TMEM45B: variants seen among roughly 807,000 people sequenced by gnomAD.
The protein encoded by TMEM45B is transmembrane protein 45B.
In TMEM45B, 29 loss-of-function variants were observed where a neutral mutation model predicts 27.3. The ratio of observed to expected loss-of-function variants is 1.06; its 90% CI spans 0.79 to 1.45. TMEM45B has a LOEUF of 1.45. Among genes scored for constraint, TMEM45B ranks in the 40% most tolerant of loss-of-function variants. The probability of loss-of-function intolerance (pLI) is 0.00; values close to 1 mark genes in which losing one functional copy is unlikely to be tolerated. For missense variants in TMEM45B, 348 were observed against 343.9 expected (o/e 1.01, Z -0.09); for synonymous variants, 143 against 134.7 (o/e 1.06, Z -0.43).
chr11:129,854,745 T>C lies in TMEM45B; in HGVS notation c.314T>C (p.Leu105Pro). The change falls in exon 3 of 6, where the codon CTC becomes CCC. Residue 105 changes from leucine (L) to proline (P), a missense_variant. Coordinates refer to ENST00000281441, the MANE Select transcript of TMEM45B (RefSeq NM_138788.5). The part of the protein sequence containing the change: ...FFAVSGIVDM[L>P]TYLVSHVPLG... ...GCAGTCTCAGGAATTGTTGACATGCTCACCTATCTGGTCAGCCACGTTCCC... is the reference window on the plus strand; with the variant it reads ...GCAGTCTCAGGAATTGTTGACATGCCCACCTATCTGGTCAGCCACGTTCCC... 6.2e-7 allele frequency: 1 copy of C among 1,614,240 alleles called. No individual in the cohort carries two copies. The highest frequency in any genetic ancestry group is 8.5e-7 in the Non-Finnish European group (1 of 1,180,036).
At position 129,834,395 on chromosome 11, in the gene TMEM45B, C is replaced by T. The variant is rs1261154067; in HGVS notation, c.-8-18080C>T. ...GCAGTGAGCTGAGATCACGCCACTG[C>T]ACTCCAGCCTCGGCAATAGAGCGAG... On this transcript the variant is annotated intron_variant, in intron 1 of 5. Coordinates refer to ENST00000281441, the MANE Select transcript of TMEM45B (RefSeq NM_138788.5). 4.0e-5 allele frequency among the ~76,000 whole-genome samples: 6 copies of T among 151,760 alleles called. No individual in the cohort carries two copies. The East Asian group carries it at 5.8e-4, about 15-fold the overall frequency.
Position 129,815,858 on chromosome 11 carries a change from C to T in TMEM45B, c.-49C>T. The stretch of plus-strand genomic sequence containing the variant: ...TGCTTCTGGGCGGACGCACTTGGCG[C>T]GCGGCGCGGGCTGCAGACGGCTGCG... On this transcript the variant is annotated 5_prime_UTR_variant, in exon 1 of 6. Coordinates refer to ENST00000281441, the MANE Select transcript of TMEM45B (RefSeq NM_138788.5). 1 of 1,305,896 alleles carries T rather than the reference C, an allele frequency of 7.7e-7. No homozygotes were observed. The allele number at this position is 1,305,896 out of a possible 1,614,324, so 80.9% of individuals were successfully genotyped here.
At chr11:129,817,115 A>G (rs894132960) in intron 1 of TMEM45B, among the ~76,000 whole-genome samples, 3 of 151,634 alleles carry the variant, frequency 2.0e-5, no homozygotes, top group Non-Finnish European at 4.4e-5. Flanking sequence ...CTCCTCCTGC[A>G]CCTTTTTGTC....
intron 1 of TMEM45B, among the ~76,000 whole-genome samples, chr11:129,851,372 C>T (rs1057065031): frequency 2.7e-5 from 4 of 150,880 alleles, no homozygotes; most frequent in Admixed American, 6.6e-5. Flanking sequence ...GGTGAAACCC[C>T]GTCTCTACTA....
At chr11:129,849,863 T>C (rs1947819390) in intron 1 of TMEM45B, among the ~76,000 whole-genome samples, 1 of 152,226 alleles carries the variant, frequency 6.6e-6, no homozygotes, top group Non-Finnish European at 1.5e-5. Context: ...GGGCCTCTAA[T>C]GAGCAAGGCA....
In TMEM45B at chr11:129,837,506, T is replaced by C. The variant is rs1214668969; in HGVS notation, c.-8-14969T>C. Among the ~76,000 whole-genome samples the C allele has an allele frequency of 6.0e-5, 9 of 150,736 alleles. No homozygotes were observed. The East Asian group carries it at 1.6e-3, about 26-fold the overall frequency. On this transcript the variant is annotated intron_variant, in intron 1 of 5. Transcript: ENST00000281441. ...TTCACTATGTTGGCCAGGCTGGTCTTGAACTCTTGACCTCAGGCAATCTGC... is the reference window on the plus strand; with the variant it reads ...TTCACTATGTTGGCCAGGCTGGTCTCGAACTCTTGACCTCAGGCAATCTGC...
chr11:129,831,656 C>A (rs1304842811), intron 1 of TMEM45B, among the ~76,000 whole-genome samples: 1 of 152,198 alleles, frequency 6.6e-6, no homozygotes, highest in African/African-American at 2.4e-5. Flanking sequence ...TCTGTACACA[C>A]AAAAACATGC....
chr11:129,838,742 C>G (rs976008498), intron 1 of TMEM45B, among the ~76,000 whole-genome samples: 23 of 152,190 alleles, frequency 1.5e-4, no homozygotes, highest in African/African-American at 5.5e-4. Context: ...CTCTCCACCT[C>G]TGGGAGCAAC....
At chr11:129,838,501 T>A (rs1463162856) in intron 1 of TMEM45B, among the ~76,000 whole-genome samples, 1 of 152,236 alleles carries the variant, frequency 6.6e-6, no homozygotes, top group Non-Finnish European at 1.5e-5. Context: ...TTCGCTCTTG[T>A]CGCTCTTCTT....
intron 1 of TMEM45B, among the ~76,000 whole-genome samples, chr11:129,851,987 G>A (rs912920506): frequency 2.0e-5 from 3 of 152,216 alleles, no homozygotes; most frequent in Middle Eastern, 3.4e-3. Context: ...TGAATCATCC[G>A]TTCATGTCTT....
intron 1 of TMEM45B, among the ~76,000 whole-genome samples, chr11:129,826,247 T>C (rs1947476238): frequency 6.6e-6 from 1 of 151,984 alleles, no homozygotes; most frequent in Admixed American, 6.6e-5. Flanking sequence ...TCTTCCAAAC[T>C]CCCTATTTAA....
rs559559465 is a variant in TMEM45B at position 129,840,978 on chromosome 11, A to G, written c.-8-11497A>G. The stretch of plus-strand genomic sequence containing the variant: ...AAAAAAAAAAAAAAAAAAGCAACAA[A>G]CAACCAAAAAATATATAAAACTAGA... On this transcript the variant is annotated intron_variant, in intron 1 of 5. Coordinates refer to ENST00000281441, the MANE Select transcript of TMEM45B (RefSeq NM_138788.5). 5.7e-3 allele frequency among the ~76,000 whole-genome samples: 854 copies of G among 150,466 alleles called. 7 individuals are homozygous for G. Among genetic ancestry groups the G allele is most frequent in the African/African-American group, 0.02 (820 of 41,002 alleles).
At chr11:129,853,876 G>T (rs1170563094) in intron 2 of TMEM45B, among the ~76,000 whole-genome samples, 1 of 152,236 alleles carries the variant, frequency 6.6e-6, no homozygotes, top group Admixed American at 6.5e-5. Flanking sequence ...GCTTCCCCAA[G>T]AACACTTTGG....
chr11:129,827,775 C>T (rs928849403), intron 1 of TMEM45B, among the ~76,000 whole-genome samples: 2 of 152,122 alleles, frequency 1.3e-5, no homozygotes, highest in Admixed American at 1.3e-4. Context: ...GCACTCTAGC[C>T]TGGGCAACAA....
At chr11:129,840,354 A>G (rs1473493558) in intron 1 of TMEM45B, among the ~76,000 whole-genome samples, 1 of 152,248 alleles carries the variant, frequency 6.6e-6, no homozygotes, top group Non-Finnish European at 1.5e-5. Flanking sequence ...GGTATCAAGT[A>G]CATAGAGGCA....
At chr11:129,826,853 A>T (rs1427807904) in intron 1 of TMEM45B, among the ~76,000 whole-genome samples, 1 of 151,648 alleles carries the variant, frequency 6.6e-6, no homozygotes, top group Non-Finnish European at 1.5e-5. Context: ...GACTACAGGC[A>T]CCCACCACCA....
chr11:129,825,653 T>C (rs1947469294), intron 1 of TMEM45B, among the ~76,000 whole-genome samples: 1 of 152,106 alleles, frequency 6.6e-6, no homozygotes, highest in Non-Finnish European at 1.5e-5. Flanking sequence ...CAAGGAGGAC[T>C]GTTGAGTAAA....
intron 1 of TMEM45B, among the ~76,000 whole-genome samples, chr11:129,833,477 A>T (rs116862992): frequency 6.6e-6 from 1 of 151,998 alleles, no homozygotes; most frequent in Non-Finnish European, 1.5e-5. Flanking sequence ...TGGTATCCTT[A>T]TAAGAGGAAC....
intron 1 of TMEM45B, among the ~76,000 whole-genome samples, chr11:129,829,724 T>C (rs1364717578): frequency 6.6e-6 from 1 of 152,248 alleles, no homozygotes; most frequent in African/African-American, 2.4e-5. Context: ...TCCTCCAGGC[T>C]GAATAGGAAT....
Sources: gnomAD v4.1 joint callset for allele counts (sites outside exome capture counted in the v4.1 genomes callset) on GRCh38, gnomAD v4.1.1 for gene constraint, MANE v1.5 for transcripts, NCBI Gene and HGNC (gene_info 2026-07-23, HGNC 2026-07-21) for gene names.